Variants in STXBP5L observed in about 807,000 individuals in gnomAD.
The protein encoded by STXBP5L is syntaxin binding protein 5L.
In STXBP5L, 65 loss-of-function variants were observed where a neutral mutation model predicts 144.5. That is an observed-to-expected ratio of 0.45 (90% CI 0.37 to 0.55). The LOEUF (loss-of-function observed/expected upper bound fraction) is 0.55, where lower values mean the gene tolerates loss of function less well. Ranked by LOEUF, STXBP5L falls within the 20% of genes least tolerant of loss-of-function variation. The pLI is 0.00. For missense variants in STXBP5L, 1,298 were observed against 1,405.5 expected, an observed-to-expected ratio of 0.92 and a Z score of 1.22; for synonymous variants, 505 against 469.6, an observed-to-expected ratio of 1.08 and a Z score of -0.97.
intron 10 of STXBP5L, among the ~76,000 whole-genome samples, chr3:121,207,462 A>AAC (rs2048382607): frequency 6.6e-6 from 1 of 152,216 alleles, no homozygotes; most frequent in African/African-American, 2.4e-5. Flanking sequence ...CAATGGCAAT[A>AAC]AAAGCCAAAA....
At chr3:121,121,985 T>C (rs2044488113) in intron 7 of STXBP5L, among the ~76,000 whole-genome samples, 1 of 151,064 alleles carries the variant, frequency 6.6e-6, no homozygotes, top group East Asian at 1.9e-4. Context: ...AATTTTCAAA[T>C]ACTCTATGCT....
At chr3:121,338,339 C>T (rs1243629632) in intron 20 of STXBP5L, among the ~76,000 whole-genome samples, 1 of 151,916 alleles carries the variant, frequency 6.6e-6, no homozygotes, top group South Asian at 2.1e-4. Context: ...ATCAAACAAG[C>T]TCAATTAGAA....
At chr3:121,066,594 G>A (rs374649883) in intron 5 of STXBP5L, among the ~76,000 whole-genome samples, 37 of 151,936 alleles carry the variant, frequency 2.4e-4, no homozygotes, top group African/African-American at 8.9e-4. Context: ...TATTATATGT[G>A]CTAATATATG....
chr3:121,210,213 T>A (rs1187800108), intron 10 of STXBP5L, among the ~76,000 whole-genome samples: 1 of 152,232 alleles, frequency 6.6e-6, no homozygotes, highest in Non-Finnish European at 1.5e-5. Context: ...CATGTGTCTT[T>A]TGGCTGCATA....
chr3:121,170,712 C>T (rs1022728818), intron 9 of STXBP5L, among the ~76,000 whole-genome samples: 2 of 152,116 alleles, frequency 1.3e-5, no homozygotes, highest in African/African-American at 2.4e-5. Context: ...AGCCTACCAA[C>T]CAAAAACAAC....
intron 22 of STXBP5L, among the ~76,000 whole-genome samples, chr3:121,387,101 C>A (rs539790378): frequency 6.6e-6 from 1 of 152,186 alleles, no homozygotes; most frequent in Admixed American, 6.5e-5. Context: ...GCCATTCTAA[C>A]GGGTGTGAGA....
intron 20 of STXBP5L, among the ~76,000 whole-genome samples, chr3:121,334,719 C>T (rs2044444704): frequency 6.6e-6 from 1 of 152,114 alleles, no homozygotes; most frequent in Non-Finnish European, 1.5e-5. Flanking sequence ...TCATCATAAA[C>T]AGAACTAAAG....
chr3:120,978,228 G>A (rs1321695773), intron 3 of STXBP5L, among the ~76,000 whole-genome samples: 2 of 152,148 alleles, frequency 1.3e-5, no homozygotes, highest in South Asian at 2.1e-4. Flanking sequence ...ATATTTCTTG[G>A]AGGCTTTGTT....
intron 5 of STXBP5L, among the ~76,000 whole-genome samples, chr3:121,085,760 A>T (rs1279697964): frequency 1.3e-5 from 2 of 152,222 alleles, no homozygotes; most frequent in African/African-American, 2.4e-5. Context: ...AAAGCAATTT[A>T]TAGATTCAAT....
intron 18 of STXBP5L, among the ~76,000 whole-genome samples, chr3:121,268,379 G>A (rs1018411573): frequency 3.9e-5 from 6 of 152,044 alleles, no homozygotes; most frequent in African/African-American, 1.4e-4. Flanking sequence ...CACAGGGAGG[G>A]GAACATCACA....
chr3:120,959,239 A>G (rs1302229297), intron 3 of STXBP5L, among the ~76,000 whole-genome samples: 6 of 152,228 alleles, frequency 3.9e-5, no homozygotes, highest in African/African-American at 1.2e-4. Flanking sequence ...CCACTGCTCA[A>G]TGAACTTAAA....
chr3:121,096,686 GA>G (rs569114642), intron 5 of STXBP5L, among the ~76,000 whole-genome samples: 35 of 147,762 alleles, frequency 2.4e-4, no homozygotes, highest in Admixed American at 1.2e-3. Flanking sequence ...AACAGCGAAA[GA>G]AAAAAAAAAG....
chr3:121,400,951 TA>T (rs143908137), intron 22 of STXBP5L, among the ~76,000 whole-genome samples: 1,837 of 152,284 alleles, frequency 0.012, 18 homozygotes, highest in South Asian at 0.026. Flanking sequence ...ATAAAAACAC[TA>T]AAGAGATAGA....
intron 22 of STXBP5L, 72 bp from the exon 23 acceptor site, chr3:121,407,171 G>A: frequency 6.7e-7 from 1 of 1,497,318 alleles, no homozygotes; most frequent in Non-Finnish European, 8.9e-7. Context: ...TTATCACAAT[G>A]TAAAACTTTA....
At chr3:121,380,279 A>G (rs184115322) in intron 21 of STXBP5L, among the ~76,000 whole-genome samples, 1 of 152,300 alleles carries the variant, frequency 6.6e-6, no homozygotes, top group East Asian at 1.9e-4. Context: ...ATTTTATGAC[A>G]AACAATTATT....
intron 10 of STXBP5L, among the ~76,000 whole-genome samples, chr3:121,210,084 C>T (rs932780566): frequency 2.8e-4 from 42 of 152,150 alleles, no homozygotes; most frequent in African/African-American, 9.7e-4. Context: ...TCCACATCCT[C>T]TCCAGCACCT....
chr3:121,272,237 T>A, intron 18 of STXBP5L, among the ~76,000 whole-genome samples: 2 of 152,234 alleles, frequency 1.3e-5, no homozygotes, highest in Non-Finnish European at 2.9e-5. Context: ...AATGCCCTAC[T>A]TTTATTGAAT....
At chr3:121,098,443 A>G (rs2043241474) in intron 5 of STXBP5L, among the ~76,000 whole-genome samples, 1 of 152,200 alleles carries the variant, frequency 6.6e-6, no homozygotes, top group Non-Finnish European at 1.5e-5. Context: ...TCGTGAAGAC[A>G]GTACCATGCC....
intron 3 of STXBP5L, among the ~76,000 whole-genome samples, chr3:120,961,975 A>G (rs998870725): frequency 6.6e-6 from 1 of 152,212 alleles, no homozygotes; most frequent in African/African-American, 2.4e-5. Context: ...TCCAACTGGC[A>G]TGAGATGGTA....
Sources: allele counts gnomAD v4.1 joint callset (sites outside exome capture counted in the v4.1 genomes callset), GRCh38; gene constraint gnomAD v4.1.1; transcripts MANE v1.5; gene names NCBI Gene and HGNC (gene_info 2026-07-23, HGNC 2026-07-21).